HYDIN: variants seen among roughly 807,000 people sequenced by gnomAD.
The protein encoded by HYDIN is axonemal central pair apparatus protein HYDIN.
In HYDIN, 132 loss-of-function variants were observed where a neutral mutation model predicts 403.9. That is an observed-to-expected ratio of 0.33 (90% CI 0.28 to 0.38). The LOEUF (loss-of-function observed/expected upper bound fraction) is 0.38. HYDIN is among the 10% of genes least tolerant of loss of function. The pLI, the probability that HYDIN is intolerant of heterozygous loss-of-function variation, is 1.00. For missense variants in HYDIN, 2,827 were observed against 5,009.5 expected (o/e 0.56, Z 13.15); for synonymous variants, 1,202 against 1,891.7 (o/e 0.64, Z 9.46).
At chr16:71,062,040 A>T in intron 17 of HYDIN, 129 bp downstream of exon 17, 1 of 725,054 alleles carries the variant, frequency 1.4e-6, no homozygotes, top group East Asian at 2.7e-5. Flanking sequence ...CAGAGTAAAA[A>T]CATAAAACCC....
At chr16:71,133,157 C>T (rs1192412217) in intron 8 of HYDIN, 2 of 426,160 alleles carry the variant, frequency 4.7e-6, no homozygotes, top group Non-Finnish European at 9.2e-6. Flanking sequence ...GTAATCTGCT[C>T]CCTTCAGCAC....
In HYDIN at chr16:71,202,579, C is replaced by A. The variant is rs534966041; in HGVS notation, c.-23-15661G>T. On this transcript the variant is annotated intron_variant, in intron 1 of 85. Coordinates refer to ENST00000393567, the MANE Select transcript of HYDIN (RefSeq NM_001270974.2). ...ACAGAAATCCTGAGCATATTAATTT[C>A]TTTTCCTAACACCTGCAACAATCCA... is the stretch of plus-strand genomic sequence containing the variant. Among the ~76,000 whole-genome samples the A allele has an allele frequency of 1.1e-3, 161 of 152,228 alleles. 3 individuals are homozygous for A. In the South Asian group the frequency reaches 0.027, roughly 25 times the overall value.
intron 27 of HYDIN, among the ~76,000 whole-genome samples, chr16:70,986,335 G>T (rs1243030528): frequency 6.6e-6 from 1 of 151,466 alleles, no homozygotes; most frequent in African/African-American, 2.4e-5. Context: ...CACTTTGGGG[G>T]TCCTTAGGAA....
At chr16:71,098,577 T>C (rs568438087) in intron 10 of HYDIN, among the ~76,000 whole-genome samples, 3 of 151,328 alleles carry the variant, frequency 2.0e-5, no homozygotes, top group Non-Finnish European at 4.4e-5. Flanking sequence ...GGGAATAATT[T>C]ACACTCTTTG....
At chr16:71,053,995 A>G (rs1207831307) in intron 18 of HYDIN, among the ~76,000 whole-genome samples, 2 of 152,258 alleles carry the variant, frequency 1.3e-5, no homozygotes, top group South Asian at 2.1e-4. Flanking sequence ...GACTTTTATC[A>G]TGCAACCTTG....
chr16:70,904,912 G>T (rs2143767132), intron 50 of HYDIN, among the ~76,000 whole-genome samples: 1 of 151,926 alleles, frequency 6.6e-6, no homozygotes, highest in Middle Eastern at 3.4e-3. Context: ...ATTTGGCCTT[G>T]TTCACTGTTA....
At position 71,064,781 on chromosome 16, in the gene HYDIN, A is replaced by G. The variant is rs1048813299; in HGVS notation, c.2135T>C (p.Leu712Pro). ...NTEVDFGHCF[L>P]KYPYEKTLQL... ...GAGTGTTTTCTCATACGGGTACTTC[A>G]GGAAGCAGTGCCCAAAGTCCACCTC... Residue 712 changes from leucine to proline, a missense_variant, in exon 16 of 86, where the codon CTG becomes CCG. Transcript: ENST00000393567. 1.9e-6 allele frequency: 3 copies of G among 1,613,796 alleles called. No individual in the cohort carries two copies. In the African/African-American group the frequency reaches 4.0e-5, roughly 22 times the overall value.
Position 71,197,670 on chromosome 16 carries a change from C to T in HYDIN, c.-23-10752G>A, listed in dbSNP as rs1016608984. ...AACACCCCAGAAGACCCCTCTCACCCGTAGACGCTCTCTCCCCATTAAAGG... is the reference window on the plus strand; with the variant it reads ...AACACCCCAGAAGACCCCTCTCACCTGTAGACGCTCTCTCCCCATTAAAGG... On this transcript the variant is annotated intron_variant, in intron 1 of 85. Transcript: ENST00000393567. Among the ~76,000 whole-genome samples, 7 of 152,194 alleles carry T rather than the reference C, an allele frequency of 4.6e-5. No homozygotes were observed. In the East Asian group the frequency reaches 5.8e-4, roughly 13 times the overall value.
intron 1 of HYDIN, among the ~76,000 whole-genome samples, chr16:71,227,632 G>T (rs575634829): frequency 6.6e-6 from 1 of 152,166 alleles, no homozygotes; most frequent in African/African-American, 2.4e-5. Flanking sequence ...TCTTCAAGGA[G>T]AAGTACAAAC....
At chr16:71,203,053 T>C (rs2088104481) in intron 1 of HYDIN, among the ~76,000 whole-genome samples, 1 of 152,156 alleles carries the variant, frequency 6.6e-6, no homozygotes, top group Non-Finnish European at 1.5e-5. Flanking sequence ...GGGCCAAAAA[T>C]GAATTTAAAG....
intron 45 of HYDIN, among the ~76,000 whole-genome samples, chr16:70,929,587 T>C (rs369939595): frequency 6.2e-5 from 9 of 146,022 alleles, no homozygotes; most frequent in African/African-American, 2.2e-4. Context: ...CTGTGATGTT[T>C]TTTTCTTTTC....
At chr16:70,914,128 A>G (rs1388491024) in intron 47 of HYDIN, among the ~76,000 whole-genome samples, 1 of 151,946 alleles carries the variant, frequency 6.6e-6, no homozygotes, top group African/African-American at 2.4e-5. Flanking sequence ...CAATGTTAGT[A>G]TTGAGATGTG....
intron 1 of HYDIN, among the ~76,000 whole-genome samples, chr16:71,212,482 T>C (rs945364029): frequency 6.6e-6 from 1 of 152,152 alleles, no homozygotes; most frequent in Non-Finnish European, 1.5e-5. Flanking sequence ...AACAAAATGT[T>C]ATAGGGGTAA....
intron 19 of HYDIN, among the ~76,000 whole-genome samples, chr16:71,029,438 C>G (rs1306139334): frequency 1.1e-5 from 1 of 87,470 alleles, no homozygotes; most frequent in Non-Finnish European, 2.3e-5. Flanking sequence ...AAACTGTTAG[C>G]TAACCCTCCA....
intron 9 of HYDIN, among the ~76,000 whole-genome samples, chr16:71,119,657 CCT>C (rs1221010303): frequency 2.0e-4 from 30 of 152,086 alleles, no homozygotes; most frequent in African/African-American, 6.8e-4. Flanking sequence ...CATTCGGTTT[CCT>C]CTCACAGAAG....
chr16:71,163,119 C>CT (rs71272746), intron 5 of HYDIN, among the ~76,000 whole-genome samples: 14,637 of 120,716 alleles, frequency 0.12, 1,178 homozygotes, highest in East Asian at 0.15. Flanking sequence ...AATGATGTTT[C>CT]TTTTTTTTTT....
Position 70,974,587 on chromosome 16 carries a change from G to C in HYDIN, c.4856C>G (p.Thr1619Ser). ...ATGGAATGACACTGGAAAGTGACTG[G>C]TGTTGATGATCTTGATGATGTGGGT... ...VRTHIIKIIN[T>S]SHFPVSFHAD... The change falls in exon 32 of 86, where the codon ACC becomes AGC. Residue 1619 changes from threonine (T) to serine (S), a missense_variant. Physicochemically the swap from Thr to Ser is moderately conservative, Grantham distance 58 (BLOSUM62 1). Coordinates refer to ENST00000393567, the MANE Select transcript of HYDIN (RefSeq NM_001270974.2). 6 of 1,506,994 alleles carry C rather than the reference G, an allele frequency of 4.0e-6. No homozygotes were observed. The highest frequency in any genetic ancestry group is 5.5e-6 in the Non-Finnish European group (6 of 1,091,976). 93.4% of individuals were successfully genotyped at this position (1,506,994 alleles called of 1,614,324 possible).
At chr16:71,211,107 CA>C in intron 1 of HYDIN, among the ~76,000 whole-genome samples, 1 of 151,886 alleles carries the variant, frequency 6.6e-6, no homozygotes. Context: ...GACTGGGACC[CA>C]AAATTAAAGC....
At chr16:70,872,635 A>C (rs2040200614) in intron 64 of HYDIN, among the ~76,000 whole-genome samples, 1 of 111,844 alleles carries the variant, frequency 8.9e-6, no homozygotes, top group African/African-American at 3.6e-5. Context: ...TCATCCATCC[A>C]CCCTCGCATC....
Sources: allele counts gnomAD v4.1 joint callset (sites outside exome capture counted in the v4.1 genomes callset), GRCh38; gene constraint gnomAD v4.1.1; transcripts MANE v1.5; gene names NCBI Gene and HGNC (gene_info 2026-07-23, HGNC 2026-07-21).